The following RUFY3 variants were observed in gnomAD, a reference collection of about 807,000 sequenced individuals.
RUFY3 encodes protein RUFY3.
A neutral mutation model predicts 84.0 loss-of-function variants in RUFY3; 34 were observed. That is an observed-to-expected ratio of 0.40 (90% confidence interval 0.31 to 0.54). The LOEUF is 0.54. Ranked by LOEUF, RUFY3 falls within the 20% of genes least tolerant of loss-of-function variation. The pLI is 0.39. For synonymous variants in RUFY3, 242 were observed against 252.9 expected, an observed-to-expected ratio of 0.96 and a Z score of 0.41; for missense variants, 507 against 736.8, an observed-to-expected ratio of 0.69 and a Z score of 3.61.
At chr4:70,793,712 G>A (rs1731150722) in intron 12 of RUFY3, 73 bp from the exon 13 acceptor site, 1 of 1,609,170 alleles carries the variant, frequency 6.2e-7, no homozygotes, top group Non-Finnish European at 8.5e-7. Context: ...ATTTTATTTT[G>A]TGTTGTGAAC....
intron 12 of RUFY3, chr4:70,791,277 C>T (rs1730772846): frequency 6.2e-7 from 1 of 1,613,506 alleles, no homozygotes; most frequent in Non-Finnish European, 8.5e-7. Context: ...AGCAAATAAA[C>T]TGATCCCAAA....
At chr4:70,803,537 T>C (rs1405344055) in intron 16 of RUFY3, among the ~76,000 whole-genome samples, 1 of 151,758 alleles carries the variant, frequency 6.6e-6, no homozygotes, top group Non-Finnish European at 1.5e-5. Context: ...CACTGAAGCC[T>C]CAACTTCCCG....
intron 1 of RUFY3, among the ~76,000 whole-genome samples, chr4:70,733,158 G>A (rs1053049077): frequency 0.07 from 9,834 of 140,726 alleles, 886 homozygotes; most frequent in African/African-American, 0.21. Context: ...GAGAGAGAGA[G>A]AGAGAGAGAA....
At chr4:70,739,927 G>T (rs1721041223) in intron 1 of RUFY3, among the ~76,000 whole-genome samples, 1 of 150,032 alleles carries the variant, frequency 6.7e-6, no homozygotes, top group Non-Finnish European at 1.5e-5. Context: ...GGAGGCGGAG[G>T]CTGCAGTGAG....
intron 1 of RUFY3, 117 bp from the exon 2 acceptor site, chr4:70,762,402 G>A (rs1725185038): frequency 5.8e-6 from 5 of 861,236 alleles, no homozygotes; most frequent in Non-Finnish European, 8.9e-6. Flanking sequence ...ATTCTTAAAG[G>A]AAACTGGCAT....
chr4:70,787,259 TG>T (rs1313670733), intron 10 of RUFY3, among the ~76,000 whole-genome samples: 8 of 144,762 alleles, frequency 5.5e-5, no homozygotes, highest in Non-Finnish European at 9.0e-5. Flanking sequence ...TTTATTTATT[TG>T]TTTTTTTTTT....
Position 70,802,246 on chromosome 4 carries a change from A to T in RUFY3, c.1623-710A>T, listed in dbSNP as rs79932700. Among the ~76,000 whole-genome samples the T allele has an allele frequency of 7.8e-3, 1,184 of 152,272 alleles. 16 individuals carry two copies. The highest frequency in any genetic ancestry group is 0.027 in the African/African-American group (1,125 of 41,556). ...ACATACCAGGCTTCCTGGGATTATG[A>T]TGGCAAGGAACATCGGAAAACCTGG... is the stretch of plus-strand genomic sequence containing the variant. On this transcript the variant is annotated intron_variant, in intron 15 of 17. Coordinates refer to ENST00000381006, the MANE Select transcript of RUFY3 (RefSeq NM_001037442.4).
intron 5 of RUFY3, 27 bp from the exon 6 acceptor site, chr4:70,773,484 A>G (rs1423952486): frequency 1.3e-6 from 2 of 1,557,230 alleles, no homozygotes; most frequent in Non-Finnish European, 8.8e-7. Flanking sequence ...CTAATTTTAT[A>G]TTAAAACCTG....
chr4:70,744,902 G>A (rs972803888), intron 1 of RUFY3, among the ~76,000 whole-genome samples: 6 of 151,750 alleles, frequency 4.0e-5, no homozygotes, highest in South Asian at 2.1e-4. Context: ...TGATGCGCCC[G>A]CCTCAGGCTC....
intron 12 of RUFY3, chr4:70,791,487 C>A: frequency 2.2e-6 from 3 of 1,376,472 alleles, no homozygotes; most frequent in East Asian, 2.8e-5. Flanking sequence ...TGTTTTCTCC[C>A]CAGGGTTAGA....
intron 7 of RUFY3, among the ~76,000 whole-genome samples, 164 bp from the exon 8 acceptor site, chr4:70,778,205 A>G (rs1256867535): frequency 2.6e-5 from 4 of 152,234 alleles, no homozygotes; most frequent in African/African-American, 4.8e-5. Flanking sequence ...ACTGCACTCC[A>G]GTCTCAGCGA....
At chr4:70,753,340 T>C (rs182417567) in intron 1 of RUFY3, among the ~76,000 whole-genome samples, 5 of 152,324 alleles carry the variant, frequency 3.3e-5, no homozygotes, top group South Asian at 2.1e-4. Context: ...GAGCCAACTT[T>C]GGATTTTATT....
chr4:70,804,761 C>CAAAAAAAAAAAAAAAAAA (rs1186156048), intron 17 of RUFY3, among the ~76,000 whole-genome samples: 2 of 76,848 alleles, frequency 2.6e-5, no homozygotes, highest in South Asian at 4.1e-4. Context: ...ACTAAAAATA[C>CAAAAAAAAAAAAAAAAAA]AAAAAAAAAA....
intron 12 of RUFY3, chr4:70,791,476 T>G (rs1332468896): frequency 5.0e-6 from 7 of 1,395,356 alleles, no homozygotes; most frequent in Non-Finnish European, 6.5e-6. Flanking sequence ...TTTTTTCTTA[T>G]TGTTTTCTCC....
At chr4:70,724,433 C>T (rs28464952) in intron 1 of RUFY3, among the ~76,000 whole-genome samples, 15,052 of 152,154 alleles carry the variant, frequency 0.099, 1,602 homozygotes, top group African/African-American at 0.27. Flanking sequence ...GTTTTTGGAG[C>T]AGGATTCCTA....
intron 1 of RUFY3, among the ~76,000 whole-genome samples, chr4:70,727,282 A>G (rs1227728871): frequency 2.7e-5 from 4 of 149,668 alleles, no homozygotes; most frequent in African/African-American, 9.8e-5. Flanking sequence ...ACATGCTCAT[A>G]TGTATCTGAA....
chr4:70,726,801 A>G (rs1718326977), intron 1 of RUFY3, among the ~76,000 whole-genome samples: 1 of 152,240 alleles, frequency 6.6e-6, no homozygotes, highest in Non-Finnish European at 1.5e-5. Flanking sequence ...CCTCACATGG[A>G]AAGGCGGGGG....
chr4:70,750,387 T>C (rs143815079), intron 1 of RUFY3, among the ~76,000 whole-genome samples: 20 of 152,288 alleles, frequency 1.3e-4, no homozygotes, highest in Admixed American at 1.1e-3. Context: ...CAAAGTCTTA[T>C]AGTGTCTCAG....
Position 70,806,594 on chromosome 4 carries a change from C to G in RUFY3, c.1798C>G (p.Leu600Val), listed in dbSNP as rs139009491. Residue 600 changes from leucine (L) to valine (V), a missense_variant, in exon 18 of 18, where the codon CTT (leucine) becomes GTT (valine). Transcript: ENST00000381006. ...NELPLPSSIK[L>V]ERVCNPCHKH... ...ACTGCCTCTTCCTTCAAGTATCAAGCTTGAGCGAGTTTGCAATCCCTGTCA... is the reference window on the plus strand; with the variant it reads ...ACTGCCTCTTCCTTCAAGTATCAAGGTTGAGCGAGTTTGCAATCCCTGTCA... 6.2e-7 allele frequency: 1 copy of G among 1,614,170 alleles called. No homozygotes were observed.
Sources: allele counts gnomAD v4.1 joint callset (sites outside exome capture counted in the v4.1 genomes callset), GRCh38; gene constraint gnomAD v4.1.1; transcripts MANE v1.5; gene names NCBI Gene and HGNC (gene_info 2026-07-23, HGNC 2026-07-21).